RPN2: variants seen among roughly 807,000 people sequenced by gnomAD.
The protein encoded by RPN2 is dolichyl-diphosphooligosaccharide--protein glycosyltransferase subunit 2.
A neutral mutation model predicts 71.4 loss-of-function variants in RPN2; 29 were observed. The ratio of observed to expected loss-of-function variants is 0.41; its 90% CI spans 0.30 to 0.55. RPN2 has a LOEUF of 0.55. RPN2 is among the 20% of genes least tolerant of loss of function. RPN2 has a pLI of 0.35. For synonymous variants in RPN2, 308 were observed against 305.0 expected (o/e 1.01, Z -0.10); for missense variants, 726 against 774.1 (o/e 0.94, Z 0.74).
At chr20:37,190,006 T>C (rs2067108124) in intron 2 of RPN2, among the ~76,000 whole-genome samples, 1 of 152,182 alleles carries the variant, frequency 6.6e-6, no homozygotes, top group African/African-American at 2.4e-5. Flanking sequence ...GGTTTTGTAT[T>C]GTGAGGTATA....
At chr20:37,223,755 CT>C in intron 9 of RPN2, 122 bp from the exon 10 acceptor site, 1 of 766,634 alleles carries the variant, frequency 1.3e-6, no homozygotes, top group East Asian at 2.7e-5. Flanking sequence ...TCCTTGAAGA[CT>C]CTTGTTCTAG....
chr20:37,240,369 T>C (rs1358330550), intron 16 of RPN2, among the ~76,000 whole-genome samples: 1 of 152,260 alleles, frequency 6.6e-6, no homozygotes, highest in Non-Finnish European at 1.5e-5. Context: ...CTCTGAATAC[T>C]GGCAAGGAAT....
chr20:37,238,336 C>A, intron 16 of RPN2: 2 of 1,277,156 alleles, frequency 1.6e-6, no homozygotes, highest in South Asian at 1.3e-5. Context: ...TTTGTCATTT[C>A]TTTCCTCAGC....
chr20:37,191,184 G>T lies in RPN2; in HGVS notation c.207+6811G>T, dbSNP rs150060977. Among the ~76,000 whole-genome samples, 747 of 152,236 alleles carry T rather than the reference G, an allele frequency of 4.9e-3. 8 individuals carry two copies. Among genetic ancestry groups the T allele is most frequent in the African/African-American group, 0.017 (709 of 41,542 alleles). ...GAGAGTTGATTTTAGGTGTTATAAAGTGTGAGCATCGGCTGGGTGCGGTGT... is the reference window on the plus strand; with the variant it reads ...GAGAGTTGATTTTAGGTGTTATAAATTGTGAGCATCGGCTGGGTGCGGTGT... On this transcript the variant is annotated intron_variant, in intron 2 of 16. Transcript: ENST00000237530.
At chr20:37,196,784 T>TG (rs2067266045) in intron 2 of RPN2, among the ~76,000 whole-genome samples, 1 of 152,238 alleles carries the variant, frequency 6.6e-6, no homozygotes, top group Non-Finnish European at 1.5e-5. Context: ...TACTGTTTCT[T>TG]GGAGTCGAGG....
At position 37,207,459 on chromosome 20, in the gene RPN2, C is replaced by T; in HGVS notation, c.867+10C>T. On this transcript the variant is annotated intron_variant, in intron 7 of 16. Transcript: ENST00000237530. ...ACAGGCTATCTTGCGGGTAAGACAT[C>T]CATGCCCAAAGTGTGCCCCTCTGAT... 2 of 1,613,348 alleles carry T rather than the reference C, an allele frequency of 1.2e-6. No homozygotes were observed. Among genetic ancestry groups the T allele is most frequent in the Non-Finnish European group, 1.7e-6 (2 of 1,179,320 alleles).
intron 4 of RPN2, among the ~76,000 whole-genome samples, chr20:37,201,698 C>T (rs540816701): frequency 2.6e-5 from 4 of 152,216 alleles, no homozygotes; most frequent in East Asian, 3.9e-4. Context: ...GAGAATGTCT[C>T]GTAGGGTCAT....
Position 37,199,202 on chromosome 20 carries a change from C to T in RPN2, c.456C>T (p.Leu152=). ...QEALSALTAR[L]SKEETVLATV... ...CACTCAGTGCCCTTACTGCTCGTCT[C>T]AGCAAGGAGGAGACTGTGCTGGCGT... Residue 152 remains leucine (L), a synonymous_variant, in exon 4 of 17, where the codon CTC becomes CTT. Coordinates refer to ENST00000237530, the MANE Select transcript of RPN2 (RefSeq NM_002951.5). 1 of 1,614,120 alleles carries T rather than the reference C, an allele frequency of 6.2e-7. No individual in the cohort carries two copies. The highest frequency in any genetic ancestry group is 8.5e-7 in the Non-Finnish European group (1 of 1,180,042).
chr20:37,231,201 TGAGGTGAA>T (rs2068233438), intron 13 of RPN2, among the ~76,000 whole-genome samples: 1 of 151,820 alleles, frequency 6.6e-6, no homozygotes, highest in South Asian at 2.1e-4. Flanking sequence ...AGCTGGAAAG[TGAGGTGAA>T]GAGTGGGAAA....
intron 16 of RPN2, among the ~76,000 whole-genome samples, chr20:37,240,159 T>C (rs1233907378): frequency 6.6e-6 from 1 of 152,184 alleles, no homozygotes; most frequent in Non-Finnish European, 1.5e-5. Flanking sequence ...TTTCCTAGCA[T>C]TTGAAAGGAA....
intron 2 of RPN2, among the ~76,000 whole-genome samples, chr20:37,184,711 G>A (rs1406912582): frequency 6.6e-6 from 1 of 152,174 alleles, no homozygotes; most frequent in Admixed American, 6.5e-5. Flanking sequence ...AGAATCGTGT[G>A]AACCCAGGAG....
chr20:37,238,448 C>T (rs749934303), intron 16 of RPN2: 11 of 1,603,304 alleles, frequency 6.9e-6, no homozygotes, highest in East Asian at 2.2e-5. Context: ...TAGGACACTA[C>T]GGTAAAGATG....
At chr20:37,228,503 G>GA in intron 11 of RPN2, 47 bp from the exon 12 acceptor site, 1 of 1,569,762 alleles carries the variant, frequency 6.4e-7, no homozygotes, top group Non-Finnish European at 8.8e-7. Flanking sequence ...GGCCCAGGGA[G>GA]AATCTTGAAA....
At chr20:37,223,009 C>A (rs1300703839) in intron 9 of RPN2, among the ~76,000 whole-genome samples, 1 of 152,216 alleles carries the variant, frequency 6.6e-6, no homozygotes, top group Non-Finnish European at 1.5e-5. Flanking sequence ...TTTTTCCCCA[C>A]GCTAGATTCT....
chr20:37,200,902 A>T (rs2067372886), intron 4 of RPN2, among the ~76,000 whole-genome samples: 1 of 152,074 alleles, frequency 6.6e-6, no homozygotes. Flanking sequence ...CCTTCCAAGC[A>T]GAAGGGAAAA....
At chr20:37,182,537 C>T (rs1311560421) in intron 1 of RPN2, among the ~76,000 whole-genome samples, 1 of 152,072 alleles carries the variant, frequency 6.6e-6, no homozygotes, top group Non-Finnish European at 1.5e-5. Flanking sequence ...ACTACAGGCA[C>T]ACGCCACCAT....
chr20:37,197,402 C>A (rs2067278086), intron 2 of RPN2, among the ~76,000 whole-genome samples: 1 of 152,112 alleles, frequency 6.6e-6, no homozygotes, highest in Non-Finnish European at 1.5e-5. Context: ...ATGGCAAGGG[C>A]CTGCTGTAAG....
At chr20:37,209,696 G>A (rs2067609158) in intron 7 of RPN2, among the ~76,000 whole-genome samples, 1 of 149,820 alleles carries the variant, frequency 6.7e-6, no homozygotes, top group African/African-American at 2.5e-5. Flanking sequence ...TGCCCACGCT[G>A]TTCTTGAACT....
At chr20:37,204,306 T>G (rs967266463) in intron 5 of RPN2, among the ~76,000 whole-genome samples, 3 of 152,370 alleles carry the variant, frequency 2.0e-5, no homozygotes, top group Middle Eastern at 3.4e-3. Context: ...GTTGGTTGCC[T>G]AGTCATGTTG....
Sources: gnomAD v4.1 joint callset for allele counts (sites outside exome capture counted in the v4.1 genomes callset) on GRCh38, gnomAD v4.1.1 for gene constraint, MANE v1.5 for transcripts, NCBI Gene and HGNC (gene_info 2026-07-23, HGNC 2026-07-21) for gene names.